The following FAM222A variants were observed in gnomAD, a reference collection of about 807,000 sequenced individuals.
FAM222A encodes protein FAM222A.
Under a neutral mutation model 25.8 loss-of-function variants are expected in FAM222A, and 7 were observed. The observed-to-expected ratio is 0.27, with a 90% CI of 0.15 to 0.51. The LOEUF is 0.51. Among genes scored for constraint, FAM222A ranks in the 20% least tolerant of loss-of-function variants. The pLI, the probability that FAM222A is intolerant of heterozygous loss-of-function variation, is 0.97. For missense variants in FAM222A, 573 were observed against 640.5 expected, an observed-to-expected ratio of 0.89 and a Z score of 1.14; for synonymous variants, 294 against 298.8, an observed-to-expected ratio of 0.98 and a Z score of 0.17.
chr12:109,724,965 G>A (rs988143435), intron 1 of FAM222A, among the ~76,000 whole-genome samples: 19 of 152,130 alleles, frequency 1.2e-4, no homozygotes, highest in African/African-American at 4.1e-4. Context: ...TTGGCATCCG[G>A]AAACCACCGT....
chr12:109,749,713 T>C (rs1258408029), intron 2 of FAM222A, among the ~76,000 whole-genome samples: 2 of 152,250 alleles, frequency 1.3e-5, no homozygotes, highest in African/African-American at 2.4e-5. Flanking sequence ...CTATGTCTTC[T>C]TGTAGCACCT....
intron 1 of FAM222A, among the ~76,000 whole-genome samples, chr12:109,715,778 A>G (rs1322913216): frequency 6.6e-6 from 1 of 152,192 alleles, no homozygotes; most frequent in Non-Finnish European, 1.5e-5. Context: ...CTGTTTTGAA[A>G]AGAGATGCTA....
Position 109,769,334 on chromosome 12 carries a change from G to T in FAM222A, c.*46G>T. The T allele has an allele frequency of 6.6e-7, 1 of 1,524,548 alleles. No individual in the cohort carries two copies. The highest frequency in any genetic ancestry group is 8.8e-7 in the Non-Finnish European group (1 of 1,132,910). 94.4% of individuals were successfully genotyped at this position (1,524,548 alleles called of 1,614,324 possible). ...GGACATGCGGACAGGGCGCAGAGCC[G>T]GGAGGCAGGCCGCAGAACAGGGTGG... On this transcript the variant is annotated 3_prime_UTR_variant, in exon 3 of 3. Coordinates refer to ENST00000538780, the MANE Select transcript of FAM222A (RefSeq NM_032829.3).
At chr12:109,744,621 G>A (rs1888342617) in intron 2 of FAM222A, 1 of 985,448 alleles carries the variant, frequency 1.0e-6, no homozygotes, top group Non-Finnish European at 1.2e-6. Flanking sequence ...AGGCCCATGA[G>A]CTGTGTGGTC....
chr12:109,739,129 CAG>C (rs748407020), intron 1 of FAM222A, among the ~76,000 whole-genome samples: 1 of 152,216 alleles, frequency 6.6e-6, no homozygotes, highest in East Asian at 1.9e-4. Context: ...GATGGGGGCT[CAG>C]AGGCGCAGCC....
At chr12:109,744,465 C>T in intron 2 of FAM222A, 2 of 985,450 alleles carry the variant, frequency 2.0e-6, no homozygotes, top group Non-Finnish European at 2.4e-6. Context: ...TCCTTCCCAG[C>T]AGCCTCTTCT....
At position 109,726,763 on chromosome 12, in the gene FAM222A, GC is replaced by G. The variant is rs1435000326; in HGVS notation, c.-47+11867del. Among the ~76,000 whole-genome samples, 51 of 152,170 alleles carry G rather than the reference GC, an allele frequency of 3.4e-4. 1 individual carries two copies. The highest frequency in any genetic ancestry group is 1.2e-3 in the African/African-American group (51 of 41,436). ...TTCCCTAGGGGCCTGGGTCCGCCTG[GC>G]TTCCAGGGTGGGACTTAGGAGGGAG... On this transcript the variant is annotated intron_variant, in intron 1 of 2. Coordinates refer to ENST00000538780, the MANE Select transcript of FAM222A (RefSeq NM_032829.3).
chr12:109,728,736 A>T (rs934754604), intron 1 of FAM222A, among the ~76,000 whole-genome samples: 3 of 152,206 alleles, frequency 2.0e-5, no homozygotes, highest in Non-Finnish European at 4.4e-5. Flanking sequence ...GCGTTCAGTG[A>T]AGTTGGAACC....
At chr12:109,728,878 G>A (rs924167983) in intron 1 of FAM222A, among the ~76,000 whole-genome samples, 1 of 151,972 alleles carries the variant, frequency 6.6e-6, no homozygotes, top group Non-Finnish European at 1.5e-5. Flanking sequence ...GGGAGCTCCC[G>A]TTCCATCTCT....
intron 1 of FAM222A, among the ~76,000 whole-genome samples, chr12:109,728,445 G>A (rs1444767488): frequency 1.3e-5 from 2 of 152,144 alleles, no homozygotes; most frequent in African/African-American, 4.8e-5. Flanking sequence ...CTATAGACAC[G>A]GAGTCCCTTT....
intron 2 of FAM222A, among the ~76,000 whole-genome samples, chr12:109,759,649 T>C (rs1888833648): frequency 6.6e-6 from 1 of 152,158 alleles, no homozygotes; most frequent in Admixed American, 6.5e-5. Context: ...TCCCGACAAG[T>C]CTTTAATGGG....
chr12:109,758,096 G>A (rs1888786028), intron 2 of FAM222A, among the ~76,000 whole-genome samples: 1 of 152,232 alleles, frequency 6.6e-6, no homozygotes, highest in African/African-American at 2.4e-5. Context: ...GGGCTGTGGG[G>A]TGTGGAAGGT....
intron 1 of FAM222A, among the ~76,000 whole-genome samples, chr12:109,715,894 C>G (rs1041812765): frequency 1.3e-5 from 2 of 152,198 alleles, no homozygotes; most frequent in African/African-American, 4.8e-5. Flanking sequence ...GCTACTTCTG[C>G]TGGGGAAAAT....
intron 1 of FAM222A, among the ~76,000 whole-genome samples, chr12:109,715,572 G>A (rs1351198512): frequency 6.6e-6 from 1 of 152,152 alleles, no homozygotes; most frequent in Non-Finnish European, 1.5e-5. Context: ...GGTAGTGGAG[G>A]GGTGAAGGCG....
intron 1 of FAM222A, chr12:109,722,893 C>A (rs994765242): frequency 6.7e-6 from 1 of 148,738 alleles, no homozygotes; most frequent in Admixed American, 6.9e-5. Context: ...TCTGAGAGAA[C>A]AAGACAAGGA....
chr12:109,725,491 GT>G (rs1167010912), intron 1 of FAM222A, among the ~76,000 whole-genome samples: 2 of 130,490 alleles, frequency 1.5e-5, no homozygotes, highest in Admixed American at 2.0e-4. Context: ...TACCAACTGT[GT>G]GTGCCAGCAG....
At chr12:109,741,248 G>A (rs985339280) in intron 1 of FAM222A, among the ~76,000 whole-genome samples, 1 of 152,182 alleles carries the variant, frequency 6.6e-6, no homozygotes, top group African/African-American at 2.4e-5. Context: ...AGTGAGTTGG[G>A]AGAACTGGGG....
At chr12:109,755,284 CTTCT>C (rs1888689327) in intron 2 of FAM222A, among the ~76,000 whole-genome samples, 3 of 68,012 alleles carry the variant, frequency 4.4e-5, no homozygotes, top group African/African-American at 1.8e-4. Flanking sequence ...GTCTGTAATT[CTTCT>C]TTTTTTTTTT....
Position 109,768,373 on chromosome 12 carries a change from C to T in FAM222A, c.444C>T (p.Tyr148=). 1.3e-6 allele frequency: 2 copies of T among 1,597,464 alleles called. No homozygotes were observed. The highest frequency in any genetic ancestry group is 1.7e-4 in the Middle Eastern group (1 of 6,028). The change falls in exon 3 of 3, where the codon TAC becomes TAT. Residue 148 remains tyrosine, a synonymous_variant. Transcript: ENST00000538780. The stretch of plus-strand genomic sequence containing the variant: ...CCGTGCAGGTGGGCATTGCGCCCTA[C>T]CCAGTGCCCAGCACTCTGGGTCCCT... The part of the protein sequence containing the change: ...PAAVQVGIAP[Y]PVPSTLGPLA...
Sources: allele counts gnomAD v4.1 joint callset (sites outside exome capture counted in the v4.1 genomes callset), GRCh38; gene constraint gnomAD v4.1.1; transcripts MANE v1.5; gene names NCBI Gene and HGNC (gene_info 2026-07-23, HGNC 2026-07-21).